The following PARG variants were observed in gnomAD, a reference collection of about 807,000 sequenced individuals.
PARG encodes the protein mitochondrial poly(ADP-ribose) glycohydrolase.
PARG carries 35 observed loss-of-function variants against 113.0 expected under a neutral mutation model. The observed-to-expected ratio is 0.31, with a 90% CI of 0.24 to 0.41. The LOEUF is 0.41. Ranked by LOEUF, PARG falls within the 10% of genes least tolerant of loss-of-function variation. PARG has a pLI of 1.00. For missense variants in PARG, 797 were observed against 1,169.4 expected (o/e 0.68, Z 4.64); for synonymous variants, 330 against 409.9 (o/e 0.81, Z 2.36).
chr10:49,912,646 A>G (rs1837261853), intron 7 of PARG, among the ~76,000 whole-genome samples: 1 of 151,084 alleles, frequency 6.6e-6, no homozygotes, highest in Non-Finnish European at 1.5e-5. Flanking sequence ...CTGGTGACAG[A>G]GCTGGAATCC....
intron 7 of PARG, among the ~76,000 whole-genome samples, chr10:49,890,613 T>C (rs1847725918): frequency 6.6e-6 from 1 of 152,126 alleles, no homozygotes; most frequent in Non-Finnish European, 1.5e-5. Context: ...CAGTAATAAC[T>C]GCAACCACAT....
At chr10:49,913,266 C>T (rs868951581) in intron 7 of PARG, among the ~76,000 whole-genome samples, 1 of 152,172 alleles carries the variant, frequency 6.6e-6, no homozygotes, top group South Asian at 2.1e-4. Context: ...GTTAAGTACA[C>T]TGATAATGAC....
intron 16 of PARG, among the ~76,000 whole-genome samples, chr10:49,832,256 C>T (rs1352317571): frequency 6.6e-6 from 1 of 152,232 alleles, no homozygotes; most frequent in African/African-American, 2.4e-5. Flanking sequence ...GCAGCTCTCC[C>T]AGGCTGTGCT....
intron 16 of PARG, among the ~76,000 whole-genome samples, chr10:49,827,295 T>C (rs1844407838): frequency 1.3e-5 from 2 of 152,230 alleles, no homozygotes; most frequent in African/African-American, 4.8e-5. Flanking sequence ...GCATATTTTA[T>C]TTGCAAGTCA....
At chr10:49,891,075 G>A (rs1455441051) in intron 7 of PARG, among the ~76,000 whole-genome samples, 6 of 152,224 alleles carry the variant, frequency 3.9e-5, no homozygotes, top group Non-Finnish European at 7.3e-5. Flanking sequence ...AGCACTTTGG[G>A]AGGCCAAGGC....
chr10:49,836,868 T>G (rs1310247742), intron 15 of PARG, among the ~76,000 whole-genome samples: 1 of 152,198 alleles, frequency 6.6e-6, no homozygotes, highest in Non-Finnish European at 1.5e-5. Flanking sequence ...TTGTTCAATC[T>G]CAGATTCAGA....
Position 49,923,568 on chromosome 10 carries a change from C to T in PARG, c.1456-899G>A, listed in dbSNP as rs575165739. On this transcript the variant is annotated intron_variant, in intron 4 of 17. Transcript: ENST00000616448. ...TGAGCAGGGCAGGACAGGGCCCCTA[C>T]CACTACCAGGAATGTCAGACAACCC... Among the ~76,000 whole-genome samples the T allele has an allele frequency of 5.3e-5, 8 of 152,060 alleles. No individual in the cohort carries two copies. In the South Asian group the frequency reaches 1.5e-3, roughly 28 times the overall value.
At chr10:49,927,369 GGAAA>G (rs200282973) in intron 4 of PARG, among the ~76,000 whole-genome samples, 22,161 of 130,354 alleles carry the variant, frequency 0.17, 1,978 homozygotes, top group Non-Finnish European at 0.19. Flanking sequence ...AAGGAAAGAA[GGAAA>G]GAAAGAAAGA....
intron 2 of PARG, among the ~76,000 whole-genome samples, chr10:49,934,765 C>T (rs1340447429): frequency 2.4e-3 from 359 of 151,796 alleles, no homozygotes; most frequent in Non-Finnish European, 4.1e-3. Context: ...AGGAGAATGG[C>T]GTGAACCCAG....
intron 16 of PARG, 74 bp downstream of exon 16, chr10:49,832,729 T>G: frequency 2.7e-6 from 2 of 733,028 alleles, no homozygotes; most frequent in South Asian, 1.8e-5. Context: ...TGACAGGACA[T>G]GAGAAATCTG....
chr10:49,916,468 TGAG>T lies in PARG; in HGVS notation c.1663-480_1663-478del, dbSNP rs371178409. Among the ~76,000 whole-genome samples, 857 of 152,114 alleles carry T rather than the reference TGAG, an allele frequency of 5.6e-3. 4 individuals are homozygous for T. The highest frequency in any genetic ancestry group is 0.015 in the African/African-American group (623 of 41,464). ...ATAAAAAATAAAAATTTCATGGGGA[TGAG>T]GAGATTAGAAAAAAAGTATTTAAAA... is the stretch of plus-strand genomic sequence containing the variant. On this transcript the variant is annotated intron_variant, in intron 6 of 17. Transcript: ENST00000616448.
At chr10:49,920,592 A>G (rs1564658881) in intron 6 of PARG, among the ~76,000 whole-genome samples, 1 of 145,804 alleles carries the variant, frequency 6.9e-6, no homozygotes, top group Admixed American at 6.9e-5. Flanking sequence ...ATACACATAT[A>G]TACATATATA....
At chr10:49,932,602 A>G (rs1454588708) in intron 3 of PARG, among the ~76,000 whole-genome samples, 1 of 152,182 alleles carries the variant, frequency 6.6e-6, no homozygotes, top group Non-Finnish European at 1.5e-5. Flanking sequence ...TGCTGATTGC[A>G]CTATCTCAGG....
intron 4 of PARG, among the ~76,000 whole-genome samples, chr10:49,929,887 A>G (rs1838402826): frequency 6.6e-6 from 1 of 150,950 alleles, no homozygotes; most frequent in African/African-American, 2.4e-5. Flanking sequence ...TCTAATATCA[A>G]TAAGTGATGA....
At chr10:49,822,239 T>C (rs536535538) in intron 16 of PARG, among the ~76,000 whole-genome samples, 4 of 152,194 alleles carry the variant, frequency 2.6e-5, no homozygotes, top group African/African-American at 9.6e-5. Context: ...TGTGTGTGTG[T>C]GTGTATGTGT....
intron 7 of PARG, among the ~76,000 whole-genome samples, chr10:49,894,222 T>TG (rs1307088796): frequency 2.0e-5 from 3 of 149,748 alleles, no homozygotes; most frequent in Non-Finnish European, 4.4e-5. Context: ...TTTTTTTTTT[T>TG]GTAGAGACAA....
chr10:49,887,092 C>G (rs1847531994), intron 7 of PARG, among the ~76,000 whole-genome samples: 1 of 150,906 alleles, frequency 6.6e-6, no homozygotes. Context: ...CTCTGTTGCC[C>G]AGGCTGGAGT....
intron 16 of PARG, among the ~76,000 whole-genome samples, chr10:49,821,998 G>C (rs1554828739): frequency 6.6e-6 from 1 of 152,078 alleles, no homozygotes; most frequent in Non-Finnish European, 1.5e-5. Flanking sequence ...TTTTTACAAG[G>C]TTTGCTTACC....
intron 12 of PARG, among the ~76,000 whole-genome samples, chr10:49,859,538 G>A (rs1357564013): frequency 6.6e-6 from 1 of 152,074 alleles, no homozygotes; most frequent in East Asian, 1.9e-4. Flanking sequence ...GAGACTGGCT[G>A]AGTGCCTAAA....
Sources: allele counts gnomAD v4.1 joint callset (sites outside exome capture counted in the v4.1 genomes callset), GRCh38; gene constraint gnomAD v4.1.1; transcripts MANE v1.5; gene names NCBI Gene and HGNC (gene_info 2026-07-23, HGNC 2026-07-21).